The following VPS13A variants were observed in gnomAD, a reference collection of about 807,000 sequenced individuals.
The protein encoded by VPS13A is vacuolar protein sorting 13 homolog A, also known as intermembrane lipid transfer protein VPS13A.
Under a neutral mutation model 390.9 loss-of-function variants are expected in VPS13A, and 264 were observed. That is an observed-to-expected ratio of 0.68 (90% CI 0.61 to 0.75). The LOEUF is 0.75. Among genes scored for constraint, VPS13A ranks in the 30% least tolerant of loss-of-function variants. The pLI is 0.00. For synonymous variants in VPS13A, 1,231 were observed against 1,227.1 expected, an observed-to-expected ratio of 1.00 and a Z score of -0.07; for missense variants, 3,409 against 3,733.9, an observed-to-expected ratio of 0.91 and a Z score of 2.27.
chr9:77,264,434 A>G (rs938121444), intron 23 of VPS13A, among the ~76,000 whole-genome samples: 1 of 152,134 alleles, frequency 6.6e-6, no homozygotes, highest in Admixed American at 6.5e-5. Context: ...TGAGCATGGA[A>G]TGTCTTTCCA....
At chr9:77,246,881 G>A (rs1388954770) in intron 19 of VPS13A, among the ~76,000 whole-genome samples, 3 of 152,110 alleles carry the variant, frequency 2.0e-5, no homozygotes, top group African/African-American at 7.2e-5. Flanking sequence ...TTATTGTTCA[G>A]TATGGTAAAT....
chr9:77,310,386 C>T (rs1829002299), intron 35 of VPS13A, among the ~76,000 whole-genome samples: 1 of 152,000 alleles, frequency 6.6e-6, no homozygotes, highest in Non-Finnish European at 1.5e-5. Flanking sequence ...GCATGAATTC[C>T]ACATAGTATG....
intron 1 of VPS13A, among the ~76,000 whole-genome samples, chr9:77,185,710 T>C (rs1589966076): frequency 6.6e-6 from 1 of 151,320 alleles, no homozygotes; most frequent in Admixed American, 6.6e-5. Context: ...TAATTGATCA[T>C]GTGATATGAT....
At chr9:77,359,251 T>C in intron 57 of VPS13A, 82 bp from the exon 58 acceptor site, 1 of 1,110,720 alleles carries the variant, frequency 9.0e-7, no homozygotes. Context: ...GATTTAATTT[T>C]CCATTGTGGT....
intron 53 of VPS13A, 121 bp from the exon 54 acceptor site, chr9:77,353,288 A>G (rs1233236058): frequency 1.4e-6 from 1 of 709,920 alleles, no homozygotes; most frequent in Non-Finnish European, 2.4e-6. Flanking sequence ...GTTGCCACTA[A>G]CCCCATGAAG....
chr9:77,331,885 A>G (rs1830293794), intron 45 of VPS13A, 125 bp from the exon 46 acceptor site: 1 of 655,198 alleles, frequency 1.5e-6, no homozygotes, highest in Non-Finnish European at 2.7e-6. Context: ...TTTCTAATTT[A>G]TATAAGCAAG....
intron 54 of VPS13A, among the ~76,000 whole-genome samples, chr9:77,355,470 C>G (rs1325454992): frequency 6.6e-6 from 1 of 152,170 alleles, no homozygotes; most frequent in Non-Finnish European, 1.5e-5. Context: ...TAGACCTGGT[C>G]CTTTTCTCTT....
chr9:77,215,409 C>T (rs973427579), intron 10 of VPS13A, among the ~76,000 whole-genome samples: 2 of 152,112 alleles, frequency 1.3e-5, no homozygotes, highest in African/African-American at 4.8e-5. Context: ...TCTTGATTCT[C>T]TTCTCATAGG....
chr9:77,283,840 C>T (rs1242540744), intron 31 of VPS13A, among the ~76,000 whole-genome samples, 190 bp downstream of exon 31: 1 of 152,032 alleles, frequency 6.6e-6, no homozygotes, highest in Admixed American at 6.6e-5. Flanking sequence ...TAGCAGGTTA[C>T]CTAATCTTGG....
intron 34 of VPS13A, among the ~76,000 whole-genome samples, chr9:77,303,683 A>G (rs1018462740): frequency 6.6e-6 from 1 of 152,116 alleles, no homozygotes; most frequent in Non-Finnish European, 1.5e-5. Context: ...TCAGCAAAAA[A>G]CGTGTGAGCA....
intron 68 of VPS13A, among the ~76,000 whole-genome samples, chr9:77,387,160 C>A (rs1833723306): frequency 1.3e-5 from 2 of 150,962 alleles, no homozygotes; most frequent in African/African-American, 4.9e-5. Context: ...CAGAATTGCT[C>A]TTTTGTTTTA....
Position 77,371,137 on chromosome 9 carries a change from A to AG in VPS13A, c.9068dup (p.Ile3024AsnfsTer9). On this transcript the variant is annotated frameshift_variant, in exon 67 of 72. Coordinates refer to ENST00000360280, the MANE Select transcript of VPS13A (RefSeq NM_033305.3). LOFTEE classifies it high-confidence loss of function. ...ATAGACATGGCTAGCAGTACATTTC[A>AG]GGGAATAAAAAGGTAAATCCTCTTT... 1 of 1,614,076 alleles carries AG rather than the reference A, an allele frequency of 6.2e-7. No individual in the cohort carries two copies. Among genetic ancestry groups the AG allele is most frequent in the Non-Finnish European group, 8.5e-7 (1 of 1,179,950 alleles).
At chr9:77,274,836 A>G (rs1050667057) in intron 24 of VPS13A, among the ~76,000 whole-genome samples, 1 of 152,064 alleles carries the variant, frequency 6.6e-6, no homozygotes, top group Admixed American at 6.5e-5. Context: ...GAGATCATCT[A>G]CTTTAACTTC....
chr9:77,386,567 T>C (rs2131622070), intron 68 of VPS13A, among the ~76,000 whole-genome samples: 1 of 152,214 alleles, frequency 6.6e-6, no homozygotes, highest in East Asian at 1.9e-4. Flanking sequence ...GGAGGTAGGA[T>C]TACATTTATT....
intron 3 of VPS13A, 146 bp downstream of exon 3, chr9:77,201,553 T>C (rs527467903): frequency 1.3e-6 from 1 of 782,724 alleles, no homozygotes; most frequent in Non-Finnish European, 2.2e-6. Context: ...AGAGCTTTGT[T>C]GTGCAACTTA....
intron 68 of VPS13A, among the ~76,000 whole-genome samples, chr9:77,399,206 CAAA>C (rs1289045235): frequency 1.3e-5 from 1 of 74,192 alleles, no homozygotes; most frequent in Non-Finnish European, 2.7e-5. Flanking sequence ...AAAAAAAAAA[CAAA>C]GGATACGGTT....
In VPS13A at chr9:77,283,639, A is replaced by T. The variant is rs375598784; in HGVS notation, c.3328A>T (p.Ile1110Leu). 5 of 1,604,496 alleles carry T rather than the reference A, an allele frequency of 3.1e-6. No individual in the cohort carries two copies. The South Asian group carries it at 5.5e-5, about 18-fold the overall frequency. ...TGTTTTAGATTCTGATATAACAGCT[A>T]TATACAAAAAGGTAAGAATTCTTTT... is the stretch of plus-strand genomic sequence containing the variant. Reference protein sequence around the residue: ...IIVLDSDITAIYKKAVYITGK... With the variant: ...IIVLDSDITALYKKAVYITGK... The change falls in exon 31 of 72, where the codon ATA becomes TTA. Residue 1110 changes from isoleucine to leucine, a missense_variant. By Grantham distance (5) the Ile-to-Leu change is conservative (BLOSUM62 2). This residue lies in a region of VPS13A where 2,717 missense variants were observed against 2,917.4 expected (regional missense o/e 0.93). Coordinates refer to ENST00000360280, the MANE Select transcript of VPS13A (RefSeq NM_033305.3).
In VPS13A at chr9:77,226,509, A is replaced by T; in HGVS notation, c.1268A>T (p.Asp423Val). ...AAAATTTACAAAGAAGGAGTAAAAG[A>T]TCCAGAGGATAATAAAGGGTGGTTT... is the stretch of plus-strand genomic sequence containing the variant. ...GYKIYKEGVK[D>V]PEDNKGWFSW... Residue 423 changes from aspartate to valine, a missense_variant, in exon 15 of 72, where the codon GAT (aspartate) becomes GTT (valine). Transcript: ENST00000360280. The T allele has an allele frequency of 6.2e-7, 1 of 1,612,948 alleles. No individual in the cohort carries two copies. The highest frequency in any genetic ancestry group is 8.5e-7 in the Non-Finnish European group (1 of 1,179,218).
chr9:77,274,897 T>C (rs1389017749), intron 24 of VPS13A, among the ~76,000 whole-genome samples: 3 of 152,248 alleles, frequency 2.0e-5, no homozygotes, highest in Non-Finnish European at 4.4e-5. Flanking sequence ...TAAACCTAGT[T>C]TTAATGGTTT....
Sources: allele counts gnomAD v4.1 joint callset (sites outside exome capture counted in the v4.1 genomes callset), GRCh38; gene constraint gnomAD v4.1.1; regional missense constraint gnomAD v4.1.1; transcripts MANE v1.5; gene names NCBI Gene and HGNC (gene_info 2026-07-23, HGNC 2026-07-21).